The following GMDS variants were observed in gnomAD, a reference collection of about 807,000 sequenced individuals.
The protein encoded by GMDS is GDP-mannose 4,6 dehydratase.
Under a neutral mutation model 49.9 loss-of-function variants are expected in GMDS, and 20 were observed. The ratio of observed to expected loss-of-function variants is 0.40; its 90% confidence interval spans 0.28 to 0.58. The LOEUF is 0.58. GMDS is among the 20% of genes least tolerant of loss of function. GMDS has a pLI of 0.42. For missense variants in GMDS, 362 were observed against 481.4 expected (o/e 0.75, Z 2.32); for synonymous variants, 177 against 178.6 (o/e 0.99, Z 0.07).
At chr6:1,928,252 C>G (rs62391626) in intron 7 of GMDS, among the ~76,000 whole-genome samples, 18,405 of 151,936 alleles carry the variant, frequency 0.12, 1,427 homozygotes, top group East Asian at 0.2. Flanking sequence ...GTAGTCCCAG[C>G]TACTCATGAG....
chr6:2,211,055 C>T (rs634508), intron 1 of GMDS, among the ~76,000 whole-genome samples: 4,527 of 152,204 alleles, frequency 0.03, 247 homozygotes, highest in African/African-American at 0.1. Context: ...TTCCTGCAGC[C>T]TCCCAGGCAT....
At chr6:2,184,553 A>C (rs1421733091) in intron 1 of GMDS, among the ~76,000 whole-genome samples, 1 of 152,154 alleles carries the variant, frequency 6.6e-6, no homozygotes. Context: ...TTCAGTTCAA[A>C]TCTCAGCTCA....
At position 2,191,428 on chromosome 6, in the gene GMDS, G is replaced by A. The variant is rs1214044030; in HGVS notation, c.102+53893C>T. 1.3e-5 allele frequency among the ~76,000 whole-genome samples: 2 copies of A among 152,276 alleles called. No homozygotes were observed. The highest frequency in any genetic ancestry group is 2.4e-5 in the African/African-American group (1 of 41,572). On this transcript the variant is annotated intron_variant, in intron 1 of 10. Transcript: ENST00000380815. The surrounding 1 kb of genome is among the most constrained non-coding windows in gnomAD (Gnocchi z 4.6). ...CCCGCTTCATGGAACCGGGAGCCAGGAGCAGGCACCAGCCCTGCCCTCCCA... is the reference window on the plus strand; with the variant it reads ...CCCGCTTCATGGAACCGGGAGCCAGAAGCAGGCACCAGCCCTGCCCTCCCA...
At chr6:1,942,196 C>A (rs936204147) in intron 6 of GMDS, among the ~76,000 whole-genome samples, 1 of 152,238 alleles carries the variant, frequency 6.6e-6, no homozygotes, top group Non-Finnish European at 1.5e-5. Context: ...AATGGTCTCA[C>A]CCTGCACCCA....
At chr6:1,777,249 A>G in intron 7 of GMDS, among the ~76,000 whole-genome samples, 1 of 152,218 alleles carries the variant, frequency 6.6e-6, no homozygotes, top group East Asian at 1.9e-4. Context: ...CCTACATAGC[A>G]CAGCTCCTAG....
intron 1 of GMDS, among the ~76,000 whole-genome samples, chr6:2,150,953 G>C (rs1188832558): frequency 6.6e-6 from 1 of 152,008 alleles, no homozygotes; most frequent in Non-Finnish European, 1.5e-5. Flanking sequence ...TTTTACACTG[G>C]CAAATTTCCC....
intron 7 of GMDS, among the ~76,000 whole-genome samples, chr6:1,916,254 G>A (rs115149635): frequency 0.011 from 1,701 of 152,232 alleles, 34 homozygotes; most frequent in African/African-American, 0.04. Context: ...AGTGACCAGC[G>A]CTGATGAAAC....
At chr6:1,741,757 A>G (rs1471893100) in intron 8 of GMDS, among the ~76,000 whole-genome samples, 1 of 134,062 alleles carries the variant, frequency 7.5e-6, no homozygotes, top group Non-Finnish European at 1.5e-5. Context: ...GGTTGCAGTG[A>G]GCCAAGATCG....
chr6:1,743,298 C>T (rs186444180), intron 7 of GMDS, among the ~76,000 whole-genome samples: 5,845 of 152,144 alleles, frequency 0.038, 167 homozygotes, highest in Middle Eastern at 0.058. Context: ...TCACGCCTGT[C>T]GTCCCAGCAC....
chr6:2,166,195 G>A (rs1410075084), intron 1 of GMDS, among the ~76,000 whole-genome samples: 2 of 152,148 alleles, frequency 1.3e-5, no homozygotes, highest in Non-Finnish European at 2.9e-5. Flanking sequence ...AAAAACATAT[G>A]GAGTATCAGG....
intron 7 of GMDS, among the ~76,000 whole-genome samples, chr6:1,872,260 G>A (rs1758800026): frequency 6.6e-6 from 1 of 152,172 alleles, no homozygotes; most frequent in Non-Finnish European, 1.5e-5. Flanking sequence ...TTTCACAAAG[G>A]GAACAGATAA....
intron 9 of GMDS, chr6:1,624,764 C>G: frequency 2.0e-6 from 1 of 493,646 alleles, no homozygotes; most frequent in Admixed American, 3.8e-5. Flanking sequence ...GGACCGTGAC[C>G]GCGATCCACC....
At chr6:1,965,196 G>T (rs1454914103) in intron 4 of GMDS, among the ~76,000 whole-genome samples, 8 of 152,104 alleles carry the variant, frequency 5.3e-5, no homozygotes, top group Non-Finnish European at 1.0e-4. Flanking sequence ...CCCAGTAATG[G>T]GATGGCTGGG....
intron 9 of GMDS, among the ~76,000 whole-genome samples, chr6:1,697,099 CT>C (rs1362495616): frequency 1.3e-5 from 2 of 152,228 alleles, no homozygotes; most frequent in Non-Finnish European, 2.9e-5. Context: ...ACAATGGCAG[CT>C]GTTTGGCTGT....
chr6:2,141,626 A>C (rs1776292548), intron 1 of GMDS, among the ~76,000 whole-genome samples: 1 of 152,182 alleles, frequency 6.6e-6, no homozygotes, highest in African/African-American at 2.4e-5. Context: ...GAGGGGAAGA[A>C]ACTACTGCCG....
chr6:2,168,620 T>C (rs1208807221), intron 1 of GMDS, among the ~76,000 whole-genome samples: 1 of 152,258 alleles, frequency 6.6e-6, no homozygotes, highest in Non-Finnish European at 1.5e-5. Context: ...ACTATGCTTT[T>C]TCTTTTCTTT....
chr6:2,197,409 G>A lies in GMDS; in HGVS notation c.102+47912C>T, dbSNP rs1779321702. Among the ~76,000 whole-genome samples, 3 of 152,206 alleles carry A rather than the reference G, an allele frequency of 2.0e-5. No homozygotes were observed. The South Asian group carries it at 6.2e-4, about 32-fold the overall frequency. ...AGGAAGGTAGATAGTTTCAGGGAAA[G>A]ACCATTTGGCTGGAAGGAGGAGGCT... On this transcript the variant is annotated intron_variant, in intron 1 of 10. Coordinates refer to ENST00000380815, the MANE Select transcript of GMDS (RefSeq NM_001500.4).
rs536060882 is a variant in GMDS at position 1,702,405 on chromosome 6, C to T, written c.987+24011G>A. On this transcript the variant is annotated intron_variant, in intron 9 of 10. Coordinates refer to ENST00000380815, the MANE Select transcript of GMDS (RefSeq NM_001500.4). The stretch of plus-strand genomic sequence containing the variant: ...GAGTCTTGATTAAAAATATTCTTTG[C>T]CCATTTAAGAGCTTGATGTGCAGAA... Among the ~76,000 whole-genome samples, 6 of 152,328 alleles carry T rather than the reference C, an allele frequency of 3.9e-5. No homozygotes were observed. The South Asian group carries it at 1.2e-3, about 32-fold the overall frequency.
chr6:1,743,283 G>C (rs1396465254), intron 7 of GMDS, among the ~76,000 whole-genome samples: 2 of 152,206 alleles, frequency 1.3e-5, no homozygotes, highest in Admixed American at 1.3e-4. Context: ...GCAGGGCGCG[G>C]TGGCTCACGC....
Sources: gnomAD v4.1 joint callset for allele counts (sites outside exome capture counted in the v4.1 genomes callset) on GRCh38, gnomAD v4.1.1 for gene constraint, Gnocchi (gnomAD v3.1) non-coding constraint, MANE v1.5 for transcripts, NCBI Gene and HGNC (gene_info 2026-07-23, HGNC 2026-07-21) for gene names.